NCF1: variants seen among roughly 807,000 people sequenced by gnomAD.
The protein encoded by NCF1 is neutrophil cytosol factor 1.
NCF1 carries 8 observed loss-of-function variants against 34.9 expected under a neutral mutation model. The observed-to-expected ratio is 0.23, with a 90% CI of 0.13 to 0.41. The LOEUF (loss-of-function observed/expected upper bound fraction) is 0.41. NCF1 is among the 10% of genes least tolerant of loss of function. The pLI, the probability that NCF1 is intolerant of heterozygous loss-of-function variation, is 1.00. For missense variants in NCF1, 122 were observed against 362.4 expected (o/e 0.34, Z 5.39); for synonymous variants, 57 against 146.3 (o/e 0.39, Z 4.41).
intron 8 of NCF1, among the ~76,000 whole-genome samples, chr7:74,786,513 C>T (rs1373153861): frequency 6.6e-6 from 1 of 152,118 alleles, no homozygotes; most frequent in Non-Finnish European, 1.5e-5. Flanking sequence ...CAGGCTCCCA[C>T]GTAGCTGGGA....
At chr7:74,775,889 A>G (rs1373737441) in intron 1 of NCF1, among the ~76,000 whole-genome samples, 18 of 150,706 alleles carry the variant, frequency 1.2e-4, no homozygotes, top group Non-Finnish European at 1.9e-4. Context: ...GCGCGCCACC[A>G]TGCCCAGCTC....
intron 6 of NCF1, 115 bp downstream of exon 6, chr7:74,783,176 G>A: frequency 6.5e-7 from 1 of 1,544,926 alleles, no homozygotes; most frequent in Non-Finnish European, 8.8e-7. Flanking sequence ...GCTCTGTTAG[G>A]GGCCCTAAAT....
In NCF1 at chr7:74,777,342, T is replaced by G; in HGVS notation, c.148T>G (p.Phe50Val). ...VYRRFTEIYEFHKTLKEMFPI... is the reference protein window; with the variant it reads ...VYRRFTEIYEVHKTLKEMFPI... ...CCGGCGCTTCACCGAGATCTACGAG[T>G]TCCATGTGAGTGTGGGGATGGAGGA... Residue 50 changes from phenylalanine to valine, a missense_variant, in exon 2 of 11, where the codon TTC becomes GTC. Transcript: ENST00000289473. 6.3e-7 allele frequency: 1 copy of G among 1,577,412 alleles called. No individual in the cohort carries two copies.
chr7:74,786,979 A>G (rs1318745296), intron 8 of NCF1, among the ~76,000 whole-genome samples: 10 of 147,000 alleles, frequency 6.8e-5, no homozygotes, highest in African/African-American at 2.5e-4. Flanking sequence ...TAATATTGAG[A>G]ATAGAAAGAA....
chr7:74,779,228 G>A lies in NCF1; in HGVS notation c.230-29G>A, dbSNP rs369461764. 1.9e-3 allele frequency: 3,116 copies of A among 1,609,828 alleles called. 18 individuals are homozygous for A. The African/African-American group carries it at 0.036, about 19-fold the overall frequency. ...CTCACCTGCCCTCCCAGCCCCTCTC[G>A]GGCTTGACCTCATGTTCTCTGGTGC... is the stretch of plus-strand genomic sequence containing the variant. On this transcript the variant is annotated intron_variant, in intron 3 of 10. Transcript: ENST00000289473.
At chr7:74,782,674 T>C (rs1334571793) in intron 5 of NCF1, among the ~76,000 whole-genome samples, 4 of 152,090 alleles carry the variant, frequency 2.6e-5, no homozygotes, top group Non-Finnish European at 5.9e-5. Context: ...AGTCCAGGGC[T>C]GTAGTGAGCT....
intron 5 of NCF1, among the ~76,000 whole-genome samples, chr7:74,782,018 C>A (rs1302377199): frequency 6.8e-6 from 1 of 148,106 alleles, no homozygotes; most frequent in African/African-American, 2.5e-5. Flanking sequence ...TCAGCCAATA[C>A]TAAACAGCAT....
chr7:74,783,221 G>C (rs1554414040), intron 6 of NCF1, 160 bp downstream of exon 6: 5 of 1,419,558 alleles, frequency 3.5e-6, no homozygotes, highest in Non-Finnish European at 2.9e-6. Flanking sequence ...TTCTGTCTTA[G>C]TGTGCACCCT....
chr7:74,785,838 G>A (rs587746334), intron 8 of NCF1, among the ~76,000 whole-genome samples: 3 of 142,974 alleles, frequency 2.1e-5, no homozygotes, highest in South Asian at 4.4e-4. Context: ...AGCCAAGATC[G>A]CGCCATTGCA....
At chr7:74,777,155 G>A in intron 1 of NCF1, 112 bp from the exon 2 acceptor site, 1 of 889,912 alleles carries the variant, frequency 1.1e-6, no homozygotes, top group Non-Finnish European at 1.8e-6. Context: ...CGCAAAGATG[G>A]TCCTCACCCC....
At chr7:74,781,916 A>G (rs1353760385) in intron 5 of NCF1, among the ~76,000 whole-genome samples, 1 of 151,008 alleles carries the variant, frequency 6.6e-6, no homozygotes, top group Non-Finnish European at 1.5e-5. Flanking sequence ...ACCTCTTGAA[A>G]CGTACTTAAG....
intron 8 of NCF1, among the ~76,000 whole-genome samples, chr7:74,785,765 C>T (rs1796660282): frequency 1.3e-5 from 2 of 151,528 alleles, no homozygotes; most frequent in African/African-American, 4.9e-5. Context: ...AGCCTGTAAT[C>T]CCAGCTACTC....
At chr7:74,777,098 G>A (rs1796482618) in intron 1 of NCF1, among the ~76,000 whole-genome samples, 169 bp from the exon 2 acceptor site, 1 of 149,816 alleles carries the variant, frequency 6.7e-6, no homozygotes, top group Non-Finnish European at 1.5e-5. Context: ...CTGGGGCGTG[G>A]CAGCACTTGG....
At chr7:74,786,966 A>T (rs1796684802) in intron 8 of NCF1, among the ~76,000 whole-genome samples, 1 of 146,768 alleles carries the variant, frequency 6.8e-6, no homozygotes, top group African/African-American at 2.5e-5. Context: ...TCACTCCCAA[A>T]TATAATATTG....
chr7:74,777,162 C>T lies in NCF1; in HGVS notation c.73-105C>T. The stretch of plus-strand genomic sequence containing the variant: ...AGGACAACCGCAAAGATGGTCCTCA[C>T]CCCAATCCTCTGGGCTTCCTCCAGT... On this transcript the variant is annotated intron_variant, in intron 1 of 10. Coordinates refer to ENST00000289473, the MANE Select transcript of NCF1 (RefSeq NM_000265.7). The T allele has an allele frequency of 1.2e-5, 11 of 926,136 alleles. No homozygotes were observed. The South Asian group carries it at 1.2e-4, about 10-fold the overall frequency. 57.4% of individuals were successfully genotyped at this position (926,136 alleles called of 1,614,324 possible).
In NCF1 at chr7:74,782,933, C is replaced by A; in HGVS notation, c.452-6C>A. 6.2e-7 allele frequency: 1 copy of A among 1,609,374 alleles called. No homozygotes were observed. The highest frequency in any genetic ancestry group is 1.1e-5 in the South Asian group (1 of 90,672). On this transcript the variant is annotated splice_polypyrimidine_tract_variant and splice_region_variant and intron_variant, in intron 5 of 10. Transcript: ENST00000289473. ...CCCACTCACCCTGCCCTCCCTCTTG[C>A]CCCAGACATCACCGGCCCCATCATC...
intron 8 of NCF1, among the ~76,000 whole-genome samples, chr7:74,786,850 AC>A (rs1239129572): frequency 7.1e-6 from 1 of 140,824 alleles, no homozygotes; most frequent in Non-Finnish European, 1.5e-5. Context: ...CACTCTGTTA[AC>A]CCCCATCCTG....
intron 2 of NCF1, chr7:74,777,573 G>T (rs1419039006): frequency 4.1e-6 from 2 of 488,356 alleles, no homozygotes; most frequent in Admixed American, 6.6e-5. Flanking sequence ...CCCACGCTCG[G>T]CCTTTTAGGT....
In NCF1 at chr7:74,786,959, C is replaced by T. The variant is rs1305594090; in HGVS notation, c.801-1025C>T. 1.4e-4 allele frequency among the ~76,000 whole-genome samples: 20 copies of T among 144,048 alleles called. 1 individual carries two copies. Among genetic ancestry groups the T allele is most frequent in the African/African-American group, 4.9e-4 (19 of 38,904 alleles). The allele number at this position is 144,048 out of a possible 152,430, so 94.5% of individuals were successfully genotyped here. ...AAGTTTTCTTTTGTTTTTTTTTTCA[C>T]TCCCAAATATAATATTGAGAATAGA... On this transcript the variant is annotated intron_variant, in intron 8 of 10. Transcript: ENST00000289473.
Sources: allele counts gnomAD v4.1 joint callset (sites outside exome capture counted in the v4.1 genomes callset), GRCh38; gene constraint gnomAD v4.1.1; transcripts MANE v1.5; gene names NCBI Gene and HGNC (gene_info 2026-07-23, HGNC 2026-07-21).